Variants in NRDC observed in about 807,000 individuals in gnomAD.
NRDC encodes nardilysin convertase.
Under a neutral mutation model 147.1 loss-of-function variants are expected in NRDC, and 54 were observed. The ratio of observed to expected loss-of-function variants is 0.37; its 90% confidence interval spans 0.29 to 0.46. The LOEUF is 0.46. Among genes scored for constraint, NRDC ranks in the 20% least tolerant of loss-of-function variants. The probability of loss-of-function intolerance (pLI) is 1.00; values close to 1 mark genes in which losing one functional copy is unlikely to be tolerated. For synonymous variants in NRDC, 440 were observed against 482.1 expected (o/e 0.91, Z 1.14); for missense variants, 1,082 against 1,370.6 (o/e 0.79, Z 3.33).
intron 4 of NRDC, among the ~76,000 whole-genome samples, chr1:51,833,574 T>A (rs1486492155): frequency 2.6e-5 from 4 of 152,142 alleles, no homozygotes; most frequent in African/African-American, 7.2e-5. Context: ...AGAGTCAAAG[T>A]GTATTTAACA....
intron 29 of NRDC, 135 bp downstream of exon 29, chr1:51,790,398 G>A (rs1678553499): frequency 2.2e-5 from 15 of 691,330 alleles, no homozygotes; most frequent in Non-Finnish European, 3.3e-5. Flanking sequence ...AACTCAGGAA[G>A]TGAGCGAGTA....
intron 1 of NRDC, among the ~76,000 whole-genome samples, chr1:51,866,093 G>A (rs369116773): frequency 2.1e-4 from 32 of 152,018 alleles, no homozygotes; most frequent in South Asian, 1.2e-3. Flanking sequence ...TTAGCTGGGC[G>A]TGGTGGCAGT....
intron 1 of NRDC, among the ~76,000 whole-genome samples, chr1:51,844,127 C>G (rs532222207): frequency 9.9e-4 from 151 of 152,168 alleles, no homozygotes; most frequent in African/African-American, 3.5e-3. Flanking sequence ...AATACCCTGG[C>G]TATACTCGCC....
chr1:51,800,592 T>C lies in NRDC; in HGVS notation c.2405A>G (p.Tyr802Cys), dbSNP rs1433961978. The C allele has an allele frequency of 3.7e-6, 6 of 1,614,060 alleles. No individual in the cohort carries two copies. The highest frequency in any genetic ancestry group is 1.1e-5 in the South Asian group (1 of 91,070). Residue 802 changes from tyrosine (Y) to cysteine (C), a missense_variant, in exon 21 of 31, where the codon TAC becomes TGC. Tyr to Cys is a radical substitution (Grantham distance 194, BLOSUM62 -2). This residue lies in a region of NRDC where 635 missense variants were observed against 923.8 expected (regional missense o/e 0.69). Transcript: ENST00000352171. ...CTCGGGCTTGATGAGGATGTTAAAG[T>C]AGGTCTTCTTCAACTGCTCAGTTAT... Reference protein sequence around the residue: ...TMITEQLKKTYFNILIKPETL... With the variant: ...TMITEQLKKTCFNILIKPETL...
chr1:51,862,391 G>C (rs955374414), intron 1 of NRDC: 1 of 151,566 alleles, frequency 6.6e-6, no homozygotes, highest in Non-Finnish European at 1.5e-5. Flanking sequence ...CTGCAGTACA[G>C]CCTGGGTGAC....
At chr1:51,833,685 T>C (rs1290493374) in intron 4 of NRDC, among the ~76,000 whole-genome samples, 1 of 152,124 alleles carries the variant, frequency 6.6e-6, no homozygotes. Flanking sequence ...TGTAGCTCAC[T>C]ACAGCCTCGA....
chr1:51,808,918 C>A (rs1244590974), intron 17 of NRDC, among the ~76,000 whole-genome samples: 2 of 152,178 alleles, frequency 1.3e-5, no homozygotes, highest in Admixed American at 6.5e-5. Context: ...ACTGACCTTA[C>A]AATCTATTAC....
At position 51,810,284 on chromosome 1, in the gene NRDC, C is replaced by T; in HGVS notation, c.1900G>A (p.Glu634Lys). ...GACAATTGTTAAAATATTTTACCTT[C>T]TATACTATATTGAGTTCCAAACCAT... ...EKWFGTQYSI[E>K]DIENSWAELW... The change falls in exon 16 of 31, where the codon GAA (glutamate) becomes AAA (lysine). Residue 634 changes from glutamate to lysine, a missense_variant. Glu to Lys is a moderately conservative substitution (Grantham distance 56). Coordinates refer to ENST00000352171, the MANE Select transcript of NRDC (RefSeq NM_001101662.2). 1 of 1,597,388 alleles carries T rather than the reference C, an allele frequency of 6.3e-7. No homozygotes were observed. Among genetic ancestry groups the T allele is most frequent in the Non-Finnish European group, 8.6e-7 (1 of 1,168,654 alleles).
At chr1:51,833,911 G>T (rs1197835247) in intron 4 of NRDC, 106 bp downstream of exon 4, 1 of 989,140 alleles carries the variant, frequency 1.0e-6, no homozygotes, top group Non-Finnish European at 1.5e-6. Flanking sequence ...CACCATGACT[G>T]GTCCAAGTAA....
intron 4 of NRDC, among the ~76,000 whole-genome samples, chr1:51,828,071 C>A (rs1489514261): frequency 1.3e-5 from 2 of 152,134 alleles, no homozygotes; most frequent in Non-Finnish European, 2.9e-5. Context: ...TATTTAATAA[C>A]AATCATACAG....
chr1:51,852,275 A>T (rs1271473691), intron 1 of NRDC, among the ~76,000 whole-genome samples: 1 of 151,908 alleles, frequency 6.6e-6, no homozygotes, highest in East Asian at 1.9e-4. Flanking sequence ...TTCATGGGGG[A>T]GAATATCTTT....
intron 1 of NRDC, among the ~76,000 whole-genome samples, chr1:51,869,941 T>A (rs1430948387): frequency 6.6e-6 from 1 of 152,194 alleles, no homozygotes; most frequent in African/African-American, 2.4e-5. Flanking sequence ...GATGGAGGGA[T>A]CTCATTTTGT....
chr1:51,838,253 G>T (rs577154090), intron 2 of NRDC, among the ~76,000 whole-genome samples: 12 of 152,168 alleles, frequency 7.9e-5, no homozygotes, highest in African/African-American at 2.4e-4. Context: ...TTTTAAAAAC[G>T]ATCACTAGAC....
intron 1 of NRDC, among the ~76,000 whole-genome samples, chr1:51,841,225 G>A (rs1452981907): frequency 1.3e-5 from 2 of 152,090 alleles, no homozygotes; most frequent in African/African-American, 4.8e-5. Context: ...ACCATCTCAA[G>A]CTCCTGATTC....
At chr1:51,849,250 T>C (rs973259221) in intron 1 of NRDC, among the ~76,000 whole-genome samples, 1 of 150,788 alleles carries the variant, frequency 6.6e-6, no homozygotes, top group Non-Finnish European at 1.5e-5. Flanking sequence ...AAAATAAAAA[T>C]AGCCAGGCAT....
At chr1:51,855,044 T>C (rs1163876598) in intron 1 of NRDC, among the ~76,000 whole-genome samples, 1 of 152,342 alleles carries the variant, frequency 6.6e-6, no homozygotes, top group East Asian at 1.9e-4. Context: ...GAAAAAGCTT[T>C]GCCTCCTTAA....
chr1:51,789,548 A>AGTT lies in NRDC; in HGVS notation c.3258+17_3258+19dup, dbSNP rs1248468849. 1.2e-6 allele frequency: 2 copies of AGTT among 1,601,786 alleles called. No homozygotes were observed. Among genetic ancestry groups the AGTT allele is most frequent in the Non-Finnish European group, 1.7e-6 (2 of 1,168,922 alleles). On this transcript the variant is annotated intron_variant, in intron 30 of 30. Coordinates refer to ENST00000352171, the MANE Select transcript of NRDC (RefSeq NM_001101662.2). ...TAAATGACAACCCTAGAATGGATGG[A>AGTT]GTTAGTTAAACATACTCACATGAAC... is the stretch of plus-strand genomic sequence containing the variant.
At chr1:51,839,160 CTTTTTTTT>C (rs5774110) in intron 2 of NRDC, among the ~76,000 whole-genome samples, 6 of 133,788 alleles carry the variant, frequency 4.5e-5, no homozygotes, top group African/African-American at 1.7e-4. Flanking sequence ...TTTTCTTTTT[CTTTTTTTT>C]TTTTTTTTTG....
At chr1:51,845,301 TCTC>T (rs1005210740) in intron 1 of NRDC, among the ~76,000 whole-genome samples, 8 of 152,078 alleles carry the variant, frequency 5.3e-5, no homozygotes, top group Non-Finnish European at 1.2e-4. Flanking sequence ...TCATGAAATG[TCTC>T]CTTTTGGCCC....
Sources: allele counts gnomAD v4.1 joint callset (sites outside exome capture counted in the v4.1 genomes callset), GRCh38; gene constraint gnomAD v4.1.1; regional missense constraint gnomAD v4.1.1; transcripts MANE v1.5; gene names NCBI Gene and HGNC (gene_info 2026-07-23, HGNC 2026-07-21).